The following SLC9B1 variants were observed in gnomAD, a reference collection of about 807,000 sequenced individuals.
The protein encoded by SLC9B1 is sodium/hydrogen exchanger 9B1.
In SLC9B1, 32 loss-of-function variants were observed where a neutral mutation model predicts 51.7. The ratio of observed to expected loss-of-function variants is 0.62; its 90% CI spans 0.47 to 0.83. SLC9B1 has a LOEUF of 0.83. SLC9B1 is among the 40% of genes least tolerant of loss of function. The pLI is 0.00. For synonymous variants in SLC9B1, 145 were observed against 212.7 expected (o/e 0.68, Z 2.77); for missense variants, 406 against 613.2 (o/e 0.66, Z 3.57).
At chr4:102,986,921 C>A (rs1368356663) in intron 3 of SLC9B1, among the ~76,000 whole-genome samples, 1 of 152,152 alleles carries the variant, frequency 6.6e-6, no homozygotes, top group Non-Finnish European at 1.5e-5. Flanking sequence ...TTTAAATTCA[C>A]AGTCTGATAA....
At chr4:103,016,729 T>A (rs7676736) in intron 1 of SLC9B1, 82,349 of 151,402 alleles carry the variant, frequency 0.54, 22,923 homozygotes, top group African/African-American at 0.67. Flanking sequence ...GTACTGGGAT[T>A]ACAGGCATGA....
Position 102,919,427 on chromosome 4 carries a change from T to C in SLC9B1, c.830-7890A>G, listed in dbSNP as rs925346742. ...GCTTAGAAATTTCTTCTACCAGATG[T>C]CCTGGGTGGGTTCCAAGATGGCCAA... On this transcript the variant is annotated intron_variant, in intron 7 of 11. Transcript: ENST00000296422. 2.0e-5 allele frequency among the ~76,000 whole-genome samples: 3 copies of C among 152,170 alleles called. 1 individual carries two copies. The highest frequency in any genetic ancestry group is 6.5e-5 in the Admixed American group (1 of 15,270).
chr4:102,963,661 A>C (rs953961027), intron 3 of SLC9B1, among the ~76,000 whole-genome samples: 1 of 152,198 alleles, frequency 6.6e-6, no homozygotes, highest in Admixed American at 6.5e-5. Context: ...GAGGAAAAAA[A>C]ATTTCAAAAA....
chr4:102,992,921 A>T (rs1338754774), intron 1 of SLC9B1, among the ~76,000 whole-genome samples: 1 of 152,176 alleles, frequency 6.6e-6, no homozygotes, highest in African/African-American at 2.4e-5. Context: ...AGAAGAGAGA[A>T]TGAGTGCAAG....
intron 9 of SLC9B1, among the ~76,000 whole-genome samples, chr4:102,909,814 G>T (rs1179331012): frequency 7.2e-6 from 1 of 138,110 alleles, no homozygotes; most frequent in Non-Finnish European, 1.6e-5. Context: ...TTTATTATTT[G>T]TTTGTTTATT....
chr4:102,898,610 C>T (rs1734647115), downstream of SLC9B1, among the ~76,000 whole-genome samples: 1 of 152,056 alleles, frequency 6.6e-6, no homozygotes, highest in South Asian at 2.1e-4. Flanking sequence ...GAATTGATAA[C>T]TGAGCAAGGA....
chr4:102,945,511 C>T (rs1737225188), intron 5 of SLC9B1, among the ~76,000 whole-genome samples, 191 bp from the exon 6 acceptor site: 2 of 152,028 alleles, frequency 1.3e-5, no homozygotes, highest in African/African-American at 4.8e-5. Context: ...GGATTATAAA[C>T]AATTTCATCT....
chr4:102,967,084 C>T (rs928984560), intron 3 of SLC9B1, among the ~76,000 whole-genome samples: 1 of 152,176 alleles, frequency 6.6e-6, no homozygotes, highest in African/African-American at 2.4e-5. Context: ...CCTTGTTCCT[C>T]ATTTCTATCT....
downstream of SLC9B1, chr4:102,897,624 C>G (rs1578327369): frequency 3.2e-6 from 1 of 311,104 alleles, no homozygotes; most frequent in East Asian, 9.1e-5. Flanking sequence ...TTCTCCTAGC[C>G]AAACTGCTCA....
At chr4:102,887,227 G>A (rs868026073) in intron 11 of SLC9B1, 28 of 648,448 alleles carry the variant, frequency 4.3e-5, no homozygotes, top group Admixed American at 3.9e-4. Context: ...TCAGGAAAAC[G>A]ATCTGATTTT....
intron 3 of SLC9B1, among the ~76,000 whole-genome samples, chr4:102,950,531 A>AT (rs1313052706): frequency 2.0e-5 from 3 of 152,196 alleles, no homozygotes; most frequent in Admixed American, 6.5e-5. Context: ...GTTTATATGC[A>AT]TTTTTTAGCT....
intron 3 of SLC9B1, among the ~76,000 whole-genome samples, chr4:102,981,090 C>T (rs1039806417): frequency 6.6e-6 from 1 of 152,118 alleles, no homozygotes; most frequent in Non-Finnish European, 1.5e-5. Flanking sequence ...TAGTTGGACT[C>T]GCACAGAATG....
rs551441404 is a variant in SLC9B1 at position 102,923,272 on chromosome 4, A to G, written c.829+8852T>C. 2.0e-5 allele frequency among the ~76,000 whole-genome samples: 3 copies of G among 152,358 alleles called. No individual in the cohort carries two copies. The East Asian group carries it at 5.8e-4, about 29-fold the overall frequency. On this transcript the variant is annotated intron_variant, in intron 7 of 11. Coordinates refer to ENST00000296422, the MANE Select transcript of SLC9B1 (RefSeq NM_139173.4). ...GCTGGTTCAACATACACAAATCAAT[A>G]AATGTAATCCATCATATAAGCAGAA... is the stretch of plus-strand genomic sequence containing the variant.
intron 3 of SLC9B1, among the ~76,000 whole-genome samples, chr4:102,982,934 T>C (rs1739432077): frequency 6.6e-6 from 1 of 152,134 alleles, no homozygotes; most frequent in Non-Finnish European, 1.5e-5. Context: ...AAAGAAGTGG[T>C]AAGAGGAGGC....
At chr4:102,965,762 T>G (rs2110493080) in intron 3 of SLC9B1, among the ~76,000 whole-genome samples, 1 of 149,352 alleles carries the variant, frequency 6.7e-6, no homozygotes, top group African/African-American at 2.5e-5. Flanking sequence ...AAGTTCCTCC[T>G]AGCTATGAGC....
intron 11 of SLC9B1, 100 bp downstream of exon 11, chr4:102,905,414 G>T: frequency 8.5e-7 from 1 of 1,175,846 alleles, no homozygotes; most frequent in Admixed American, 2.0e-5. Context: ...AAAAAGTAAG[G>T]ATAATAGCTC....
At chr4:102,946,998 G>A (rs755720160) in intron 4 of SLC9B1, among the ~76,000 whole-genome samples, 3 of 152,166 alleles carry the variant, frequency 2.0e-5, no homozygotes, top group African/African-American at 7.2e-5. Flanking sequence ...AGTGTTGCTG[G>A]AACATACAGG....
rs201733819 is a variant in SLC9B1 at position 102,989,851 on chromosome 4, T to C, written c.160A>G (p.Thr54Ala). Residue 54 changes from threonine (T) to alanine (A), a missense_variant, in exon 3 of 12, where the codon ACA (threonine) becomes GCA (alanine). Thr to Ala is a moderately conservative substitution (Grantham distance 58, BLOSUM62 0). Around this residue, in one of 6 missense-constraint regions of SLC9B1, gnomAD observed 108 missense variants for 94.5 expected, o/e 1.14. Coordinates refer to ENST00000296422, the MANE Select transcript of SLC9B1 (RefSeq NM_139173.4). The stretch of plus-strand genomic sequence containing the variant: ...CCTCTTAGAGGACAAGAAATGTATG[T>C]CTCCTTTTTTGTCTGTGGTTTTATT... Reference protein sequence around the residue: ...EEIKPQTKKETYISCPLRGVL... With the variant: ...EEIKPQTKKEAYISCPLRGVL... 1.6e-5 allele frequency: 25 copies of C among 1,602,636 alleles called. No individual in the cohort carries two copies. Among genetic ancestry groups the C allele is most frequent in the Non-Finnish European group, 1.9e-5 (22 of 1,172,050 alleles).
chr4:102,889,025 T>C (rs958017953), intron 11 of SLC9B1: 3 of 152,258 alleles, frequency 2.0e-5, no homozygotes, highest in African/African-American at 7.2e-5. Context: ...TGGGCACTTG[T>C]ATGTACCAGA....
Sources: allele counts gnomAD v4.1 joint callset (sites outside exome capture counted in the v4.1 genomes callset), GRCh38; gene constraint gnomAD v4.1.1; regional missense constraint gnomAD v4.1.1; transcripts MANE v1.5; gene names NCBI Gene and HGNC (gene_info 2026-07-23, HGNC 2026-07-21).